Variants in CACNB2 observed in about 807,000 individuals in gnomAD.
CACNB2 encodes the protein calcium voltage-gated channel auxiliary subunit beta 2.
A neutral mutation model predicts 73.3 loss-of-function variants in CACNB2; 42 were observed. The observed-to-expected ratio is 0.57, with a 90% CI of 0.45 to 0.74. The LOEUF (loss-of-function observed/expected upper bound fraction) is 0.74. Among genes scored for constraint, CACNB2 ranks in the 30% least tolerant of loss-of-function variants. The pLI, the probability that CACNB2 is intolerant of heterozygous loss-of-function variation, is 0.00. For missense variants in CACNB2, 940 were observed against 853.0 expected, an observed-to-expected ratio of 1.10 and a Z score of -1.27; for synonymous variants, 348 against 310.3, an observed-to-expected ratio of 1.12 and a Z score of -1.28.
At chr10:18,341,059 G>C in intron 2 of CACNB2, 1 of 1,427,978 alleles carries the variant, frequency 7.0e-7, no homozygotes, top group Non-Finnish European at 9.9e-7. Context: ...TGCCGAGCTT[G>C]AGCTAAAATC....
chr10:18,396,834 A>G (rs1332695710), intron 2 of CACNB2, among the ~76,000 whole-genome samples: 1 of 152,192 alleles, frequency 6.6e-6, no homozygotes, highest in South Asian at 2.1e-4. Flanking sequence ...CCATTGGGTC[A>G]GCATCGTCCT....
intron 2 of CACNB2, among the ~76,000 whole-genome samples, chr10:18,367,089 A>G (rs548789206): frequency 1.3e-5 from 2 of 152,354 alleles, no homozygotes; most frequent in South Asian, 4.1e-4. Context: ...TGAAGTGGTA[A>G]GAAACATATA....
chr10:18,512,923 C>T (rs777779942), intron 6 of CACNB2, among the ~76,000 whole-genome samples: 10 of 152,092 alleles, frequency 6.6e-5, no homozygotes, highest in Non-Finnish European at 1.3e-4. Context: ...TGCAGCCAGG[C>T]GTTGTCACGG....
chr10:18,487,560 C>T (rs528540361), intron 3 of CACNB2, among the ~76,000 whole-genome samples: 3 of 152,170 alleles, frequency 2.0e-5, no homozygotes, highest in African/African-American at 4.8e-5. Context: ...TGTGGAGGGG[C>T]GCGGTGGCTC....
At chr10:18,196,538 G>A (rs367858129) in intron 2 of CACNB2, among the ~76,000 whole-genome samples, 3 of 152,016 alleles carry the variant, frequency 2.0e-5, no homozygotes, top group Admixed American at 1.3e-4. Flanking sequence ...GGCTAGTCTC[G>A]AAGTCCTGGA....
intron 2 of CACNB2, among the ~76,000 whole-genome samples, chr10:18,312,071 T>C (rs2039985395): frequency 6.6e-6 from 1 of 152,224 alleles, no homozygotes; most frequent in African/African-American, 2.4e-5. Context: ...ATGCTTCTTA[T>C]CTTTTTTAAG....
At chr10:18,411,606 T>C (rs1054492887) in intron 3 of CACNB2, among the ~76,000 whole-genome samples, 21 of 151,346 alleles carry the variant, frequency 1.4e-4, no homozygotes, top group Admixed American at 4.6e-4. Context: ...CCTCCTGGGT[T>C]CAAGCAATTC....
chr10:18,256,078 C>T (rs1383940650), intron 2 of CACNB2, among the ~76,000 whole-genome samples: 1 of 152,116 alleles, frequency 6.6e-6, no homozygotes, highest in African/African-American at 2.4e-5. Context: ...ATATATCTTC[C>T]ATCGATATTA....
chr10:18,261,400 T>A, intron 2 of CACNB2: 1 of 1,543,660 alleles, frequency 6.5e-7, no homozygotes, highest in Non-Finnish European at 8.8e-7. Flanking sequence ...CTCTTTCAGC[T>A]GTTTTTATTC....
chr10:18,170,319 A>G (rs1206157942), intron 2 of CACNB2, among the ~76,000 whole-genome samples: 1 of 152,194 alleles, frequency 6.6e-6, no homozygotes, highest in Non-Finnish European at 1.5e-5. Flanking sequence ...TTGACCTGAG[A>G]GCTCTCAGAT....
At chr10:18,237,480 G>A (rs974973143) in intron 2 of CACNB2, among the ~76,000 whole-genome samples, 1 of 152,204 alleles carries the variant, frequency 6.6e-6, no homozygotes. Context: ...CAGAGGCTAA[G>A]AGAATGGTGT....
intron 6 of CACNB2, among the ~76,000 whole-genome samples, chr10:18,512,545 TC>T (rs1426311648): frequency 2.6e-5 from 4 of 152,144 alleles, no homozygotes; most frequent in Admixed American, 2.0e-4. Context: ...AAAAGAAAAA[TC>T]TTTTTTTGCA....
chr10:18,369,991 A>T (rs1329747275), intron 2 of CACNB2, among the ~76,000 whole-genome samples: 2 of 152,130 alleles, frequency 1.3e-5, no homozygotes, highest in African/African-American at 2.4e-5. Flanking sequence ...TGACCTGCCA[A>T]CCTCCCAGTT....
intron 2 of CACNB2, among the ~76,000 whole-genome samples, chr10:18,364,898 T>TA (rs2042288310): frequency 6.6e-6 from 1 of 152,232 alleles, no homozygotes; most frequent in Non-Finnish European, 1.5e-5. Flanking sequence ...GATCGGAGAT[T>TA]AAAGAATTAT....
chr10:18,230,328 C>G (rs1334878084), intron 2 of CACNB2, among the ~76,000 whole-genome samples: 2 of 152,198 alleles, frequency 1.3e-5, no homozygotes, highest in African/African-American at 4.8e-5. Context: ...AATGAACCCT[C>G]TCTTCTACAG....
At chr10:18,418,120 G>T (rs1301585633) in intron 3 of CACNB2, among the ~76,000 whole-genome samples, 3 of 152,172 alleles carry the variant, frequency 2.0e-5, no homozygotes, top group Non-Finnish European at 4.4e-5. Context: ...CTGTCGCCAG[G>T]CTGGAGTGCA....
chr10:18,415,522 T>C (rs961955924), intron 3 of CACNB2, among the ~76,000 whole-genome samples: 2 of 149,078 alleles, frequency 1.3e-5, no homozygotes, highest in South Asian at 2.1e-4. Flanking sequence ...AAATGGCAAA[T>C]GGGTGGACCC....
chr10:18,222,448 T>A (rs1468537600), intron 2 of CACNB2, among the ~76,000 whole-genome samples: 1 of 125,424 alleles, frequency 8.0e-6, no homozygotes, highest in African/African-American at 2.7e-5. Context: ...TGAGACCCTC[T>A]GCGAAATAAG....
chr10:18,398,548 G>C (rs1188975712), intron 2 of CACNB2, among the ~76,000 whole-genome samples: 3 of 152,028 alleles, frequency 2.0e-5, no homozygotes, highest in Non-Finnish European at 4.4e-5. Context: ...GCACATGCTT[G>C]TATTCCCAGC....
Sources: allele counts gnomAD v4.1 joint callset (sites outside exome capture counted in the v4.1 genomes callset), GRCh38; gene constraint gnomAD v4.1.1; transcripts MANE v1.5; gene names NCBI Gene and HGNC (gene_info 2026-07-23, HGNC 2026-07-21).